Variants in ADGRF5 observed in about 807,000 individuals in gnomAD.
ADGRF5 encodes adhesion G protein-coupled receptor F5, also known as G-protein coupled receptor 116.
In ADGRF5, 75 loss-of-function variants were observed where a neutral mutation model predicts 132.3. The observed-to-expected ratio is 0.57, with a 90% CI of 0.47 to 0.69. ADGRF5 has a LOEUF of 0.69. ADGRF5 is among the 30% of genes least tolerant of loss of function. ADGRF5 has a pLI of 0.00. For missense variants in ADGRF5, 1,516 were observed against 1,630.6 expected (o/e 0.93, Z 1.21); for synonymous variants, 629 against 597.6 (o/e 1.05, Z -0.77).
At chr6:46,871,628 A>G (rs1161795008) in intron 11 of ADGRF5, among the ~76,000 whole-genome samples, 1 of 152,114 alleles carries the variant, frequency 6.6e-6, no homozygotes, top group South Asian at 2.1e-4. Flanking sequence ...ACTGTGTCCT[A>G]CCACAACCAT....
chr6:46,933,502 A>G (rs932638607), intron 1 of ADGRF5, among the ~76,000 whole-genome samples: 2 of 152,182 alleles, frequency 1.3e-5, no homozygotes, highest in African/African-American at 4.8e-5. Context: ...TCATACCACA[A>G]TGGCAAACCC....
chr6:46,906,622 G>C, intron 2 of ADGRF5, 39 bp downstream of exon 2: 1 of 1,072,014 alleles, frequency 9.3e-7, no homozygotes, highest in Non-Finnish European at 1.4e-6. Flanking sequence ...TCAGAAAAAT[G>C]TGACAAGAAA....
chr6:46,883,454 A>G, intron 6 of ADGRF5, 105 bp downstream of exon 6: 1 of 660,022 alleles, frequency 1.5e-6, no homozygotes, highest in Non-Finnish European at 2.7e-6. Flanking sequence ...ATAAATCCAC[A>G]TCCGTAAATT....
chr6:46,879,472 C>T (rs866494919), intron 9 of ADGRF5, among the ~76,000 whole-genome samples: 2 of 152,042 alleles, frequency 1.3e-5, no homozygotes, highest in African/African-American at 2.4e-5. Context: ...TGACAATTCC[C>T]CAGACCCTCT....
intron 8 of ADGRF5, among the ~76,000 whole-genome samples, chr6:46,880,933 A>T (rs1772390372): frequency 6.6e-6 from 1 of 151,896 alleles, no homozygotes; most frequent in Non-Finnish European, 1.5e-5. Context: ...TCTACAAAAA[A>T]TAATAAAAAA....
intron 16 of ADGRF5, among the ~76,000 whole-genome samples, chr6:46,860,075 C>T (rs1769559694): frequency 6.6e-6 from 1 of 152,148 alleles, no homozygotes; most frequent in Admixed American, 6.5e-5. Flanking sequence ...CTCCTGAGCA[C>T]ATGTCTGGTT....
intron 16 of ADGRF5, among the ~76,000 whole-genome samples, chr6:46,859,727 G>C (rs1769507047): frequency 1.3e-5 from 2 of 152,118 alleles, no homozygotes. Flanking sequence ...AAAGATGCCA[G>C]TAAGCATTTA....
intron 6 of ADGRF5, among the ~76,000 whole-genome samples, chr6:46,882,388 A>C (rs1354450649): frequency 1.3e-5 from 2 of 152,194 alleles, no homozygotes; most frequent in Non-Finnish European, 2.9e-5. Context: ...AGAGAGAGCC[A>C]TCAGACTCCC....
rs1221032681 is a variant in ADGRF5, at chr6:46,947,680, G to A, written c.-25+7054C>T. Among the ~76,000 whole-genome samples, 3 of 152,284 alleles carry A rather than the reference G, an allele frequency of 2.0e-5. No individual in the cohort carries two copies. In the South Asian group the frequency reaches 6.2e-4, roughly 32 times the overall value. ...GAAGGAAATTCCCAGGCCCCACTTCGGACATTCGCAACCTGCCCTGTGAAC... is the reference window on the plus strand; with the variant it reads ...GAAGGAAATTCCCAGGCCCCACTTCAGACATTCGCAACCTGCCCTGTGAAC... On this transcript the variant is annotated intron_variant, in intron 1 of 20. Coordinates refer to the ADGRF5 transcript ENST00000265417.
intron 1 of ADGRF5, among the ~76,000 whole-genome samples, chr6:46,916,535 CACACTTTTTTGGACAT>C (rs1166170924): frequency 6.6e-6 from 1 of 152,130 alleles, no homozygotes; most frequent in Non-Finnish European, 1.5e-5. Flanking sequence ...GTCATCTCAC[CACACTTTTTTGGACAT>C]TGGGCCACTA....
At chr6:46,928,658 C>T (rs1333904996) in intron 1 of ADGRF5, among the ~76,000 whole-genome samples, 1 of 152,154 alleles carries the variant, frequency 6.6e-6, no homozygotes, top group Non-Finnish European at 1.5e-5. Context: ...CCTCTACTCT[C>T]TTAGAGGTCT....
chr6:46,915,313 T>G (rs552412815), intron 1 of ADGRF5, among the ~76,000 whole-genome samples: 3 of 151,904 alleles, frequency 2.0e-5, no homozygotes, highest in Non-Finnish European at 4.4e-5. Flanking sequence ...ATAATAATAA[T>G]AATGGACCAA....
intron 10 of ADGRF5, among the ~76,000 whole-genome samples, chr6:46,874,366 C>T (rs1480839177): frequency 6.6e-6 from 1 of 152,148 alleles, no homozygotes; most frequent in East Asian, 1.9e-4. Context: ...CTTACTGATC[C>T]TTAAAGACCC....
intron 3 of ADGRF5, among the ~76,000 whole-genome samples, chr6:46,888,844 T>G (rs665712): frequency 0.9 from 137,429 of 152,068 alleles, 62,298 homozygotes; most frequent in African/African-American, 0.97. Flanking sequence ...GTATGCATCA[T>G]TCGATAGATG....
At chr6:46,854,197 ACCAAC>A in intron 20 of ADGRF5, 126 bp from the exon 21 acceptor site, 1 of 589,578 alleles carries the variant, frequency 1.7e-6, no homozygotes, top group Non-Finnish European at 2.9e-6. Context: ...ATGCCTGGAA[ACCAAC>A]CCATACCTGC....
intron 3 of ADGRF5, among the ~76,000 whole-genome samples, chr6:46,897,340 A>C (rs1177908871): frequency 6.6e-6 from 1 of 151,910 alleles, no homozygotes; most frequent in East Asian, 1.9e-4. Flanking sequence ...AAAGAAAAAA[A>C]CTCCTGACCT....
intron 1 of ADGRF5, among the ~76,000 whole-genome samples, chr6:46,936,873 G>C (rs1777855615): frequency 6.6e-6 from 1 of 152,210 alleles, no homozygotes; most frequent in Admixed American, 6.5e-5. Flanking sequence ...ACTCCTTCCA[G>C]GCTGCAGTTT....
rs867723037 is a variant in ADGRF5 at position 46,853,804 on chromosome 6, A to G, written c.*188T>C. On this transcript the variant is annotated 3_prime_UTR_variant, in exon 21 of 21. Transcript: ENST00000283296. ...CACAAGGGGGAGGGGGAGGGAACAA[A>G]CAGAAACATAACAATTATTTTTATT... is the stretch of plus-strand genomic sequence containing the variant. The G allele has an allele frequency of 5.5e-5, 26 of 473,298 alleles. No homozygotes were observed. The highest frequency in any genetic ancestry group is 1.2e-3 in the Middle Eastern group (2 of 1,734). The allele number at this position is 473,298 out of a possible 1,614,324, so 29.3% of individuals were successfully genotyped here.
intron 17 of ADGRF5, among the ~76,000 whole-genome samples, chr6:46,857,526 A>T (rs576070473): frequency 6.6e-6 from 1 of 152,190 alleles, no homozygotes; most frequent in Non-Finnish European, 1.5e-5. Flanking sequence ...TACCTCTGTT[A>T]TAGTTCTTCT....
Sources: gnomAD v4.1 joint callset for allele counts (sites outside exome capture counted in the v4.1 genomes callset) on GRCh38, gnomAD v4.1.1 for gene constraint, MANE v1.5 for transcripts, NCBI Gene and HGNC (gene_info 2026-07-23, HGNC 2026-07-21) for gene names.